The following RIMS1 variants were observed in gnomAD, a reference collection of about 807,000 sequenced individuals.
The protein encoded by RIMS1 is regulating synaptic membrane exocytosis protein 1.
In RIMS1, 83 loss-of-function variants were observed where a neutral mutation model predicts 214.1. The ratio of observed to expected loss-of-function variants is 0.39; its 90% CI spans 0.32 to 0.47. The LOEUF (loss-of-function observed/expected upper bound fraction) is 0.47. Ranked by LOEUF, RIMS1 falls within the 20% of genes least tolerant of loss-of-function variation. The pLI is 0.99. For synonymous variants in RIMS1, 793 were observed against 786.8 expected (o/e 1.01, Z -0.13); for missense variants, 2,050 against 2,161.8 (o/e 0.95, Z 1.03).
rs2063052491 is a variant in RIMS1 at position 72,233,951 on chromosome 6, T to C, written c.1746+111T>C. 5 of 687,888 alleles carry C rather than the reference T, an allele frequency of 7.3e-6. No individual in the cohort carries two copies. In the Admixed American group the frequency reaches 1.0e-4, roughly 14 times the overall value. The allele number at this position is 687,888 out of a possible 1,614,324, so 42.6% of individuals were successfully genotyped here. On this transcript the variant is annotated intron_variant, in intron 7 of 33. Coordinates refer to ENST00000521978, the MANE Select transcript of RIMS1 (RefSeq NM_014989.7). ...ATTATTCATTTGGTAAGGGCAAATA[T>C]TGATTTCATTTAAGATAGTACAATT...
chr6:72,345,984 G>A (rs1049464806), intron 29 of RIMS1, among the ~76,000 whole-genome samples: 9 of 151,728 alleles, frequency 5.9e-5, no homozygotes, highest in African/African-American at 2.2e-4. Flanking sequence ...AATCAATGAA[G>A]TTACTTAGGA....
chr6:71,921,647 A>T (rs955392138), intron 1 of RIMS1, among the ~76,000 whole-genome samples: 1 of 152,210 alleles, frequency 6.6e-6, no homozygotes, highest in Non-Finnish European at 1.5e-5. Context: ...TGAAAAAGAG[A>T]TGACAAGTTT....
At chr6:72,245,249 T>C (rs2068893275) in intron 10 of RIMS1, among the ~76,000 whole-genome samples, 1 of 151,752 alleles carries the variant, frequency 6.6e-6, no homozygotes, top group South Asian at 2.1e-4. Context: ...GGTATATATG[T>C]GTATATATAT....
At chr6:72,087,736 A>G (rs1026990403) in intron 2 of RIMS1, among the ~76,000 whole-genome samples, 2 of 152,204 alleles carry the variant, frequency 1.3e-5, no homozygotes, top group African/African-American at 4.8e-5. Flanking sequence ...TTTCAGGATC[A>G]TACTCATAAA....
chr6:72,154,028 CA>C lies in RIMS1; in HGVS notation c.472-25545del, dbSNP rs538921309. On this transcript the variant is annotated intron_variant, in intron 4 of 33. Coordinates refer to ENST00000521978, the MANE Select transcript of RIMS1 (RefSeq NM_014989.7). ...GAACATAATTATTATCTTGAATATG[CA>C]AGTAATTATACTACTTCATAATATC... Among the ~76,000 whole-genome samples the C allele has an allele frequency of 4.6e-3, 694 of 152,022 alleles. 6 individuals carry two copies. The highest frequency in any genetic ancestry group is 0.016 in the African/African-American group (671 of 41,474).
intron 1 of RIMS1, among the ~76,000 whole-genome samples, chr6:71,932,589 T>G (rs1392060942): frequency 3.9e-5 from 6 of 152,124 alleles, no homozygotes; most frequent in Admixed American, 2.6e-4. Flanking sequence ...CAAGTTTAGC[T>G]GTGTAACAAA....
At chr6:72,250,732 C>T (rs570371000) in intron 13 of RIMS1, among the ~76,000 whole-genome samples, 189 bp from the exon 14 acceptor site, 12 of 152,032 alleles carry the variant, frequency 7.9e-5, no homozygotes, top group African/African-American at 2.9e-4. Flanking sequence ...TTGTATGTGT[C>T]CCTATAATTA....
chr6:72,281,224 A>G lies in RIMS1; in HGVS notation c.3483-2823A>G, dbSNP rs2089963607. Reference sequence around the variant, plus strand: ...TCTAACTCTCAATTTTCTTATTCTTAAAAAGGATAAAAGAGTAGTACCTAC... The same window carrying G: ...TCTAACTCTCAATTTTCTTATTCTTGAAAAGGATAAAAGAGTAGTACCTAC... On this transcript the variant is annotated intron_variant, in intron 23 of 33. Coordinates refer to ENST00000521978, the MANE Select transcript of RIMS1 (RefSeq NM_014989.7). Among the ~76,000 whole-genome samples, 3 of 152,126 alleles carry G rather than the reference A, an allele frequency of 2.0e-5. 1 individual carries two copies. Among genetic ancestry groups the G allele is most frequent in the Admixed American group, 2.0e-4 (3 of 15,250 alleles).
At chr6:72,233,328 A>T (rs2062730971) in intron 6 of RIMS1, among the ~76,000 whole-genome samples, 2 of 151,900 alleles carry the variant, frequency 1.3e-5, no homozygotes, top group South Asian at 4.1e-4. Context: ...ATGAGAGAAG[A>T]TAAAGATCAG....
chr6:72,323,474 T>C (rs1182168022), intron 28 of RIMS1, among the ~76,000 whole-genome samples: 1 of 151,804 alleles, frequency 6.6e-6, no homozygotes, highest in East Asian at 1.9e-4. Context: ...AATAGTGGGT[T>C]TAATGACATA....
chr6:71,938,517 G>A (rs1785123103), intron 1 of RIMS1, among the ~76,000 whole-genome samples: 1 of 152,174 alleles, frequency 6.6e-6, no homozygotes. Flanking sequence ...GCACCACATG[G>A]ATTCCGTTCA....
At chr6:72,048,430 G>A (rs1823676550) in intron 2 of RIMS1, among the ~76,000 whole-genome samples, 1 of 151,908 alleles carries the variant, frequency 6.6e-6, no homozygotes, top group South Asian at 2.1e-4. Flanking sequence ...ATTCTTTAAA[G>A]CTGACAATAA....
chr6:72,297,861 A>G (rs972771700), intron 26 of RIMS1, among the ~76,000 whole-genome samples: 22 of 152,020 alleles, frequency 1.4e-4, no homozygotes, highest in African/African-American at 4.8e-4. Flanking sequence ...ACGTAACCCA[A>G]AAGAAAGGAA....
chr6:72,291,027 A>G (rs774224575), intron 25 of RIMS1, among the ~76,000 whole-genome samples, 166 bp downstream of exon 25: 3 of 152,078 alleles, frequency 2.0e-5, no homozygotes, highest in African/African-American at 7.2e-5. Context: ...ACTTGCATCT[A>G]TCTTCACTGT....
At chr6:72,191,108 C>A in intron 6 of RIMS1, among the ~76,000 whole-genome samples, 1 of 152,184 alleles carries the variant, frequency 6.6e-6, no homozygotes, top group East Asian at 1.9e-4. Context: ...GCTTGCACAG[C>A]AGCCTGGACC....
intron 2 of RIMS1, among the ~76,000 whole-genome samples, chr6:72,005,191 C>T (rs896682396): frequency 2.0e-5 from 3 of 152,210 alleles, no homozygotes; most frequent in East Asian, 3.9e-4. Flanking sequence ...AGATATGCGG[C>T]GTTATTTCTG....
chr6:72,252,700 C>T (rs2073973683), intron 15 of RIMS1, 61 bp from the exon 16 acceptor site: 1 of 1,389,324 alleles, frequency 7.2e-7, no homozygotes, highest in Non-Finnish European at 1.0e-6. Context: ...TTTGACAGTG[C>T]TCTTTACGTT....
intron 4 of RIMS1, among the ~76,000 whole-genome samples, chr6:72,144,869 A>T (rs2463703): frequency 0.98 from 149,233 of 151,792 alleles, 73,404 homozygotes; most frequent in East Asian, 1. Flanking sequence ...TATGATAAGG[A>T]TTTTTTTTCT....
intron 6 of RIMS1, among the ~76,000 whole-genome samples, chr6:72,196,349 CTCTGTCTGTCTG>C (rs752491713): frequency 7.4e-6 from 1 of 134,324 alleles, no homozygotes; most frequent in Non-Finnish European, 1.6e-5. Context: ...TGGCTATTTC[CTCTGTCTGTCTG>C]TCTGTCTGTC....
Sources: gnomAD v4.1 joint callset for allele counts (sites outside exome capture counted in the v4.1 genomes callset) on GRCh38, gnomAD v4.1.1 for gene constraint, MANE v1.5 for transcripts, NCBI Gene and HGNC (gene_info 2026-07-23, HGNC 2026-07-21) for gene names.